SPECC1: variants seen among roughly 807,000 people sequenced by gnomAD.
The protein encoded by SPECC1 is cytospin-B.
In SPECC1, 62 loss-of-function variants were observed where a neutral mutation model predicts 104.1. The ratio of observed to expected loss-of-function variants is 0.60; its 90% CI spans 0.49 to 0.74. The LOEUF (loss-of-function observed/expected upper bound fraction) is 0.74. SPECC1 is among the 30% of genes least tolerant of loss of function. The pLI is 0.00. For synonymous variants in SPECC1, 513 were observed against 501.6 expected, an observed-to-expected ratio of 1.02 and a Z score of -0.30; for missense variants, 1,306 against 1,310.5, an observed-to-expected ratio of 1.00 and a Z score of 0.05.
intron 1 of SPECC1, among the ~76,000 whole-genome samples, chr17:20,082,363 G>A (rs1567829910): frequency 2.0e-5 from 3 of 152,178 alleles, no homozygotes; most frequent in Non-Finnish European, 4.4e-5. Flanking sequence ...ATTTTGGGAG[G>A]TTGAGGCAGG....
intron 1 of SPECC1, among the ~76,000 whole-genome samples, 163 bp from the exon 2 acceptor site, chr17:20,096,468 G>A (rs12942179): frequency 0.37 from 56,157 of 152,078 alleles, 10,878 homozygotes; most frequent in Middle Eastern, 0.51. Context: ...CTAGTATAAA[G>A]CCTATAAACC....
chr17:20,064,684 A>G (rs1457913342), intron 1 of SPECC1, among the ~76,000 whole-genome samples: 2 of 152,290 alleles, frequency 1.3e-5, no homozygotes, highest in East Asian at 3.9e-4. Context: ...CTGAAAATGT[A>G]CCAGCGTATT....
intron 7 of SPECC1, chr17:20,236,835 C>T (rs1485383748): frequency 1.2e-6 from 2 of 1,613,796 alleles, no homozygotes; most frequent in Non-Finnish European, 1.7e-6. Flanking sequence ...TTTACAGCCT[C>T]TCCCTCCCGT....
Position 20,103,552 on chromosome 17 carries a change from G to T in SPECC1, c.147+6754G>T, listed in dbSNP as rs553534514. On this transcript the variant is annotated intron_variant, in intron 2 of 14. Transcript: ENST00000395527. ...GAATTACAGTGTTCAGAATGGGAGG[G>T]ACAGGAATGGAGAAGCCACAAGCCC... is the stretch of plus-strand genomic sequence containing the variant. Among the ~76,000 whole-genome samples the T allele has an allele frequency of 3.3e-5, 5 of 152,310 alleles. No homozygotes were observed. The East Asian group carries it at 9.6e-4, about 29-fold the overall frequency.
rs1191936671 is a variant in SPECC1, at chr17:20,278,256, G to A, written c.2940+17962G>A. Reference sequence around the variant, plus strand: ...AGGAAAAGAAGAGAGTGTTTTGATTGCCAACAATTTGGGCTCCAGGCTTCT... The same window carrying A: ...AGGAAAAGAAGAGAGTGTTTTGATTACCAACAATTTGGGCTCCAGGCTTCT... On this transcript the variant is annotated intron_variant, in intron 12 of 14. Coordinates refer to ENST00000395527, the MANE Select transcript of SPECC1 (RefSeq NM_001243439.2). Among the ~76,000 whole-genome samples, 4 of 152,190 alleles carry A rather than the reference G, an allele frequency of 2.6e-5. No homozygotes were observed. The East Asian group carries it at 7.7e-4, about 29-fold the overall frequency.
chr17:20,175,113 A>G (rs1474774785), intron 3 of SPECC1, among the ~76,000 whole-genome samples: 2 of 152,068 alleles, frequency 1.3e-5, no homozygotes, highest in South Asian at 2.1e-4. Context: ...TTGTCAAGAA[A>G]GTGCGCCTCT....
chr17:20,163,144 C>T (rs1225342637), intron 3 of SPECC1, among the ~76,000 whole-genome samples: 2 of 152,106 alleles, frequency 1.3e-5, no homozygotes, highest in African/African-American at 4.8e-5. Flanking sequence ...GTTAAGCTCC[C>T]CATTAAAGAG....
intron 1 of SPECC1, among the ~76,000 whole-genome samples, chr17:20,051,024 A>G (rs762059321): frequency 1.3e-5 from 2 of 152,208 alleles, no homozygotes; most frequent in African/African-American, 2.4e-5. Context: ...AACATAGCAT[A>G]GTAGGTCCCA....
chr17:20,268,882 T>G (rs1041040025), intron 12 of SPECC1, among the ~76,000 whole-genome samples: 1 of 152,168 alleles, frequency 6.6e-6, no homozygotes, highest in South Asian at 2.1e-4. Context: ...CCACTCTCAG[T>G]GGTGTGTGCA....
chr17:20,030,689 A>G (rs999785726), intron 1 of SPECC1, among the ~76,000 whole-genome samples: 3 of 152,080 alleles, frequency 2.0e-5, no homozygotes, highest in Non-Finnish European at 2.9e-5. Flanking sequence ...CTATGCTTCA[A>G]TTTTCTGTGA....
chr17:20,181,448 A>G (rs571314923), intron 3 of SPECC1, among the ~76,000 whole-genome samples: 10 of 152,290 alleles, frequency 6.6e-5, no homozygotes, highest in Middle Eastern at 3.4e-3. Flanking sequence ...ATAGGTATGG[A>G]ATAAATGAAA....
At chr17:20,108,746 T>G (rs1485561742) in intron 2 of SPECC1, among the ~76,000 whole-genome samples, 4 of 152,236 alleles carry the variant, frequency 2.6e-5, no homozygotes, top group Non-Finnish European at 5.9e-5. Flanking sequence ...TTTGGGCTGC[T>G]ATAAAAAAGG....
intron 12 of SPECC1, among the ~76,000 whole-genome samples, chr17:20,287,022 C>T (rs1413914164): frequency 3.9e-5 from 6 of 152,262 alleles, no homozygotes; most frequent in Non-Finnish European, 2.9e-5. Context: ...CGGCTGCCGT[C>T]AGCAGCCTCC....
chr17:20,232,174 A>G (rs1157343002), intron 6 of SPECC1, 26 bp from the exon 7 acceptor site: 1 of 1,613,170 alleles, frequency 6.2e-7, no homozygotes, highest in Non-Finnish European at 8.5e-7. Flanking sequence ...GGCGTCTGAC[A>G]TAAGGATGGG....
intron 3 of SPECC1, among the ~76,000 whole-genome samples, chr17:20,129,211 A>C (rs1597778656): frequency 7.7e-6 from 1 of 130,172 alleles, no homozygotes; most frequent in South Asian, 2.4e-4. Context: ...TTTGAGACGG[A>C]GTCTCACTCT....
rs541709711 is a variant in SPECC1 at position 20,220,846 on chromosome 17, T to C, written c.1864-6567T>C. Reference sequence around the variant, plus strand: ...ATATGGCTTTTATTATGTTGAGATATGTTCCTTCTGTACCCAGTTTATTGA... The same window carrying C: ...ATATGGCTTTTATTATGTTGAGATACGTTCCTTCTGTACCCAGTTTATTGA... On this transcript the variant is annotated intron_variant, in intron 4 of 14. Coordinates refer to ENST00000395527, the MANE Select transcript of SPECC1 (RefSeq NM_001243439.2). 7.9e-5 allele frequency among the ~76,000 whole-genome samples: 12 copies of C among 152,314 alleles called. No individual in the cohort carries two copies. The South Asian group carries it at 2.5e-3, about 32-fold the overall frequency.
At chr17:20,220,216 T>C (rs1240324579) in intron 4 of SPECC1, among the ~76,000 whole-genome samples, 2 of 152,154 alleles carry the variant, frequency 1.3e-5, no homozygotes, top group Non-Finnish European at 2.9e-5. Flanking sequence ...AAGAATGTCA[T>C]TGGTATTTTG....
intron 12 of SPECC1, among the ~76,000 whole-genome samples, chr17:20,295,923 C>G (rs993645354): frequency 1.3e-5 from 2 of 152,114 alleles, no homozygotes; most frequent in South Asian, 2.1e-4. Context: ...GATATTAGCC[C>G]TTTGCCAGAT....
chr17:20,068,504 G>T (rs2046437679), intron 1 of SPECC1, among the ~76,000 whole-genome samples: 1 of 152,176 alleles, frequency 6.6e-6, no homozygotes, highest in Admixed American at 6.5e-5. Flanking sequence ...ATATACCAAG[G>T]ACTGGAGTTA....
Sources: allele counts gnomAD v4.1 joint callset (sites outside exome capture counted in the v4.1 genomes callset), GRCh38; gene constraint gnomAD v4.1.1; transcripts MANE v1.5; gene names NCBI Gene and HGNC (gene_info 2026-07-23, HGNC 2026-07-21).